Variants in UGT2B7 observed in about 807,000 individuals in gnomAD.
UGT2B7 encodes UDP-glucuronosyltransferase 2B7.
In UGT2B7, 51 loss-of-function variants were observed where a neutral mutation model predicts 51.9. The observed-to-expected ratio is 0.98, with a 90% confidence interval of 0.78 to 1.24. UGT2B7 has a LOEUF of 1.24. Ranked by LOEUF, UGT2B7 falls within the 50% of genes most tolerant of loss-of-function variation. UGT2B7 has a pLI of 0.00. For synonymous variants in UGT2B7, 225 were observed against 211.6 expected (o/e 1.06, Z -0.55); for missense variants, 727 against 628.4 (o/e 1.16, Z -1.68).
intron 1 of UGT2B7, among the ~76,000 whole-genome samples, chr4:69,068,695 G>GA (rs1392354068): frequency 6.6e-6 from 1 of 151,826 alleles, no homozygotes; most frequent in East Asian, 1.9e-4. Context: ...GCCCTCTTCT[G>GA]AAAAACACAG....
At chr4:69,099,070 A>G (rs1298870309) in intron 2 of UGT2B7, among the ~76,000 whole-genome samples, 4 of 152,024 alleles carry the variant, frequency 2.6e-5, no homozygotes, top group Admixed American at 1.3e-4. Flanking sequence ...CATACCTTAC[A>G]TTCTACTTCA....
intron 1 of UGT2B7, among the ~76,000 whole-genome samples, chr4:69,085,845 C>T (rs576494725): frequency 6.6e-6 from 1 of 151,538 alleles, no homozygotes; most frequent in African/African-American, 2.4e-5. Context: ...TCTTATAATC[C>T]ATTGTATTTC....
chr4:69,107,809 C>T (rs540873106), intron 4 of UGT2B7, among the ~76,000 whole-genome samples: 2 of 152,166 alleles, frequency 1.3e-5, no homozygotes, highest in East Asian at 1.9e-4. Context: ...TAAGAGTTCA[C>T]TTCATGCCTA....
chr4:69,057,634 T>C (rs1718236223), intron 1 of UGT2B7, among the ~76,000 whole-genome samples: 1 of 152,188 alleles, frequency 6.6e-6, no homozygotes, highest in African/African-American at 2.4e-5. Flanking sequence ...AATCCCAGCA[T>C]CTATCTGAGC....
rs145831461 is a variant in UGT2B7, at chr4:69,062,621, G to A, written c.-159+11019G>A. Among the ~76,000 whole-genome samples the A allele has an allele frequency of 1.6e-3, 246 of 152,230 alleles. 1 individual carries two copies. Among genetic ancestry groups the A allele is most frequent in the Non-Finnish European group, 2.9e-3 (197 of 68,026 alleles). On this transcript the variant is annotated intron_variant, in intron 1 of 5. Coordinates refer to the UGT2B7 transcript ENST00000502942. ...CCAGGACCAGTGGACCAACCAGCAG[G>A]ACATAGACCATCTGACCCGAATGAT...
chr4:69,088,773 C>G (rs1347727142), intron 1 of UGT2B7, among the ~76,000 whole-genome samples: 1 of 152,020 alleles, frequency 6.6e-6, no homozygotes, highest in South Asian at 2.1e-4. Flanking sequence ...CCAGGTCATT[C>G]AACTCTATAG....
At chr4:69,109,991 T>C (rs986386750) in intron 5 of UGT2B7, among the ~76,000 whole-genome samples, 1 of 151,846 alleles carries the variant, frequency 6.6e-6, no homozygotes, top group Admixed American at 6.6e-5. Context: ...AAAAAATATA[T>C]AAAGCAAATT....
At chr4:69,076,729 G>A (rs913674389) in intron 1 of UGT2B7, among the ~76,000 whole-genome samples, 2 of 152,132 alleles carry the variant, frequency 1.3e-5, no homozygotes, top group African/African-American at 4.8e-5. Flanking sequence ...CCATTCTGTA[G>A]GTTGCCTCTT....
intron 3 of UGT2B7, among the ~76,000 whole-genome samples, chr4:69,104,976 G>C (rs1163247886): frequency 6.6e-6 from 1 of 152,132 alleles, no homozygotes; most frequent in Non-Finnish European, 1.5e-5. Context: ...TAGGCGGACA[G>C]ACAACTATCC....
At chr4:69,075,617 T>C (rs958166930) in intron 1 of UGT2B7, among the ~76,000 whole-genome samples, 1 of 152,144 alleles carries the variant, frequency 6.6e-6, no homozygotes, top group African/African-American at 2.4e-5. Flanking sequence ...AGCCACCATA[T>C]GAAAGTATCA....
intron 1 of UGT2B7, among the ~76,000 whole-genome samples, chr4:69,056,770 TATCA>T (rs762218611): frequency 6.6e-6 from 1 of 152,114 alleles, no homozygotes; most frequent in African/African-American, 2.4e-5. Flanking sequence ...TATAAATCAC[TATCA>T]ATCTGTTGCA....
chr4:69,105,227 C>T (rs1398515002), intron 3 of UGT2B7, among the ~76,000 whole-genome samples: 1 of 152,078 alleles, frequency 6.6e-6, no homozygotes, highest in Non-Finnish European at 1.5e-5. Flanking sequence ...GGAGGCCAGG[C>T]ACAGAAACAA....
intron 1 of UGT2B7, among the ~76,000 whole-genome samples, chr4:69,086,015 A>G (rs556770880): frequency 7.7e-4 from 116 of 151,314 alleles, no homozygotes; most frequent in African/African-American, 2.6e-3. Context: ...TTTTCTCTAT[A>G]ATCTTTATTA....
chr4:69,107,371 G>T, intron 4 of UGT2B7, 109 bp downstream of exon 4: 1 of 1,262,346 alleles, frequency 7.9e-7, no homozygotes, highest in Non-Finnish European at 1.1e-6. Context: ...AAAACAAAAT[G>T]TAACTTCTTT....
chr4:69,099,143 A>T (rs1258799702), intron 2 of UGT2B7, among the ~76,000 whole-genome samples: 2 of 151,852 alleles, frequency 1.3e-5, no homozygotes, highest in Non-Finnish European at 2.9e-5. Flanking sequence ...GGAAAAACGC[A>T]ATACCAAGAA....
At chr4:69,088,882 C>T (rs1490014984) in intron 1 of UGT2B7, among the ~76,000 whole-genome samples, 1 of 152,124 alleles carries the variant, frequency 6.6e-6, no homozygotes, top group East Asian at 1.9e-4. Context: ...CTTCAAATTT[C>T]CTCCTCTGAT....
At chr4:69,082,019 G>C (rs7699955) in intron 1 of UGT2B7, among the ~76,000 whole-genome samples, 95,047 of 151,846 alleles carry the variant, frequency 0.63, 31,219 homozygotes, top group African/African-American at 0.81. Context: ...AAATTTCAAG[G>C]TTTTTCGCTA....
At chr4:69,073,873 A>G (rs1718650030) in intron 1 of UGT2B7, among the ~76,000 whole-genome samples, 1 of 152,172 alleles carries the variant, frequency 6.6e-6, no homozygotes. Flanking sequence ...CTATCAGTCA[A>G]GCATTTGGTT....
rs191947285 is a variant in UGT2B7 at position 69,109,703 on chromosome 4, A to G, written c.1310+1381A>G. 5.4e-4 allele frequency among the ~76,000 whole-genome samples: 82 copies of G among 151,064 alleles called. 1 individual carries two copies. Among genetic ancestry groups the G allele is most frequent in the African/African-American group, 1.9e-3 (77 of 41,536 alleles). On this transcript the variant is annotated intron_variant, in intron 5 of 5. Transcript: ENST00000305231. ...TTTTACTTTTTGATGTTGGTCTTTG[A>G]AGCACAAAAAATATAATTTTAAGTT...
Sources: gnomAD v4.1 joint callset for allele counts (sites outside exome capture counted in the v4.1 genomes callset) on GRCh38, gnomAD v4.1.1 for gene constraint, MANE v1.5 for transcripts, NCBI Gene and HGNC (gene_info 2026-07-23, HGNC 2026-07-21) for gene names.